Variants in DROSHA observed in about 807,000 individuals in gnomAD.
DROSHA encodes drosha ribonuclease III.
Under a neutral mutation model 181.9 loss-of-function variants are expected in DROSHA, and 56 were observed. That is an observed-to-expected ratio of 0.31 (90% confidence interval 0.25 to 0.38). The LOEUF (loss-of-function observed/expected upper bound fraction) is 0.38, where lower values mean the gene tolerates loss of function less well. DROSHA is among the 10% of genes least tolerant of loss of function. The pLI is 1.00. For missense variants in DROSHA, 1,218 were observed against 1,743.5 expected (o/e 0.70, Z 5.37); for synonymous variants, 524 against 591.2 (o/e 0.89, Z 1.65).
At chr5:31,449,677 T>C (rs2150014345) in intron 21 of DROSHA, among the ~76,000 whole-genome samples, 1 of 151,836 alleles carries the variant, frequency 6.6e-6, no homozygotes, top group Admixed American at 6.6e-5. Context: ...CAGTGAGCTA[T>C]GATCATGCCA....
At chr5:31,494,794 C>A (rs1752776392) in intron 12 of DROSHA, among the ~76,000 whole-genome samples, 2 of 152,008 alleles carry the variant, frequency 1.3e-5, no homozygotes, top group East Asian at 3.9e-4. Flanking sequence ...CCTGCCTCAG[C>A]CTCCCGAGTA....
intron 11 of DROSHA, among the ~76,000 whole-genome samples, chr5:31,497,206 T>G (rs1753090708): frequency 1.5e-5 from 1 of 65,492 alleles, no homozygotes; most frequent in Admixed American, 1.9e-4. Context: ...CCATCAGGAG[T>G]GCAGAGAGGA....
intron 9 of DROSHA, among the ~76,000 whole-genome samples, chr5:31,509,296 G>A (rs1421425289): frequency 6.7e-6 from 1 of 149,998 alleles, no homozygotes; most frequent in African/African-American, 2.5e-5. Context: ...AGTTGGGGAA[G>A]CAAAGAAAAT....
Position 31,514,250 on chromosome 5 carries a change from C to CAG in DROSHA, c.1290+737_1290+738insCT, listed in dbSNP as rs1739026913. On this transcript the variant is annotated intron_variant, in intron 8 of 35. Coordinates refer to ENST00000344624, the MANE Select transcript of DROSHA (RefSeq NM_001382508.1). The surrounding 1 kb of genome is among the most constrained non-coding windows in gnomAD (Gnocchi z 4.4). ...GAAAACACACACACACACACACACACACACACACACATACACATACACACT... is the reference window on the plus strand; with the variant it reads ...GAAAACACACACACACACACACACACAGACACACACACATACACATACACACT... Among the ~76,000 whole-genome samples, 1 of 150,516 alleles carries CAG rather than the reference C, an allele frequency of 6.6e-6. No individual in the cohort carries two copies. Among genetic ancestry groups the CAG allele is most frequent in the African/African-American group, 2.5e-5 (1 of 39,964 alleles).
rs200514522 is a variant in DROSHA at position 31,493,288 on chromosome 5, G to A, written c.1761C>T (p.Asp587=). The part of the protein sequence containing the change: ...TVSPPTNFLT[D]RPTVIEYDDH... ...CATCGTATTCTATAACAGTTGGCCT[G>A]TCAGTCTAAAAGCAAACAGAAACAC... Residue 587 remains aspartate (D), a synonymous_variant, in exon 13 of 36, where the codon GAC becomes GAT. Transcript: ENST00000344624. The A allele has an allele frequency of 1.0e-4, 164 of 1,597,098 alleles. No individual in the cohort carries two copies. The African/African-American group carries it at 1.8e-3, about 17-fold the overall frequency.
At chr5:31,492,483 T>A (rs1420525562) in intron 13 of DROSHA, among the ~76,000 whole-genome samples, 1 of 152,232 alleles carries the variant, frequency 6.6e-6, no homozygotes, top group African/African-American at 2.4e-5. Flanking sequence ...TTCTATTTGA[T>A]GTGGATATAC....
At position 31,409,304 on chromosome 5, in the gene DROSHA, CT is replaced by C; in HGVS notation, c.3695del (p.Lys1232ArgfsTer10). 1 of 1,586,892 alleles carries C rather than the reference CT, an allele frequency of 6.3e-7. No individual in the cohort carries two copies. Among genetic ancestry groups the C allele is most frequent in the Non-Finnish European group, 8.6e-7 (1 of 1,165,528 alleles). On this transcript the variant is annotated frameshift_variant, in exon 32 of 36. Coordinates refer to ENST00000344624, the MANE Select transcript of DROSHA (RefSeq NM_001382508.1). LOFTEE classifies it high-confidence loss of function. This position sits in a 1 kb window ranked among gnomAD's most constrained non-coding sequence, Gnocchi z 4.0. ...ESFIAALYID[K>X]DLEYVHTFMN... Reference sequence around the variant, plus strand: ...TGAAAGTATGAACATATTCCAAATCCTTATCAATGTACAGCGCTGCAATAAA... The same window carrying C: ...TGAAAGTATGAACATATTCCAAATCCTATCAATGTACAGCGCTGCAATAAA...
chr5:31,450,981 C>T (rs932943458), intron 21 of DROSHA, among the ~76,000 whole-genome samples: 2 of 152,144 alleles, frequency 1.3e-5, no homozygotes, highest in African/African-American at 4.8e-5. Flanking sequence ...GCAGGCACAT[C>T]ACCTGAGGTC....
intron 16 of DROSHA, among the ~76,000 whole-genome samples, chr5:31,480,455 C>A (rs888488468): frequency 1.3e-5 from 2 of 151,858 alleles, no homozygotes; most frequent in East Asian, 1.9e-4. Flanking sequence ...GTCTCAGCAG[C>A]GACTGGAAAG....
chr5:31,506,720 G>A (rs894357882), intron 10 of DROSHA, among the ~76,000 whole-genome samples: 13 of 150,922 alleles, frequency 8.6e-5, no homozygotes, highest in Non-Finnish European at 1.3e-4. Flanking sequence ...CAAAAAAAAA[G>A]TTATAACACA....
At chr5:31,482,334 A>G (rs1751127463) in intron 16 of DROSHA, among the ~76,000 whole-genome samples, 1 of 152,192 alleles carries the variant, frequency 6.6e-6, no homozygotes, top group African/African-American at 2.4e-5. Context: ...TAAGACAGCT[A>G]GAACTGACAG....
At chr5:31,404,912 T>C (rs1413011633) in intron 35 of DROSHA, among the ~76,000 whole-genome samples, 1 of 152,172 alleles carries the variant, frequency 6.6e-6, no homozygotes, top group African/African-American at 2.4e-5. Flanking sequence ...CTGTTTTCTA[T>C]AATCTGCAGG....
chr5:31,495,409 A>T, intron 11 of DROSHA, 37 bp from the exon 12 acceptor site: 2 of 1,575,800 alleles, frequency 1.3e-6, no homozygotes, highest in Non-Finnish European at 1.7e-6. Context: ...TTACAAGTAA[A>T]GCAAGAGTAC....
chr5:31,519,281 A>T (rs1011163043), intron 6 of DROSHA, among the ~76,000 whole-genome samples: 4 of 152,082 alleles, frequency 2.6e-5, no homozygotes, highest in African/African-American at 9.7e-5. Flanking sequence ...CCACTGACAC[A>T]ATACTCTGGC....
intron 11 of DROSHA, among the ~76,000 whole-genome samples, chr5:31,496,047 T>G (rs1752939918): frequency 6.6e-6 from 1 of 152,136 alleles, no homozygotes; most frequent in Non-Finnish European, 1.5e-5. Context: ...GGTTGTGTCT[T>G]GGCATTTTCC....
chr5:31,422,068 C>T (rs1216802373), intron 29 of DROSHA, among the ~76,000 whole-genome samples: 2 of 139,622 alleles, frequency 1.4e-5, no homozygotes, highest in Non-Finnish European at 3.0e-5. Flanking sequence ...TTCCAGCCTT[C>T]GCAACAGAGT....
intron 11 of DROSHA, among the ~76,000 whole-genome samples, chr5:31,497,102 T>C (rs1409920409): frequency 6.6e-6 from 1 of 152,130 alleles, no homozygotes; most frequent in African/African-American, 2.4e-5. Context: ...CCAGGCCAAG[T>C]GATGCGACTC....
chr5:31,485,962 A>AT (rs1268736074), intron 14 of DROSHA, among the ~76,000 whole-genome samples: 3 of 152,366 alleles, frequency 2.0e-5, no homozygotes, highest in Admixed American at 2.0e-4. Flanking sequence ...AGATCAGACT[A>AT]TGAATCATTC....
At position 31,514,281 on chromosome 5, in the gene DROSHA, C is replaced by G. The variant is rs1319899629; in HGVS notation, c.1290+707G>C. On this transcript the variant is annotated intron_variant, in intron 8 of 35. Coordinates refer to ENST00000344624, the MANE Select transcript of DROSHA (RefSeq NM_001382508.1). The surrounding 1 kb of genome is among the most constrained non-coding windows in gnomAD (Gnocchi z 4.4). ...CACACATACACATACACACTACAAA[C>G]TGCATAAACTAGTTACATGTGAAAG... 6.6e-6 allele frequency among the ~76,000 whole-genome samples: 1 copy of G among 151,710 alleles called. No homozygotes were observed. Among genetic ancestry groups the G allele is most frequent in the African/African-American group, 2.4e-5 (1 of 41,260 alleles).
Sources: allele counts gnomAD v4.1 joint callset (sites outside exome capture counted in the v4.1 genomes callset), GRCh38; gene constraint gnomAD v4.1.1; non-coding constraint Gnocchi (gnomAD v3.1); transcripts MANE v1.5; gene names NCBI Gene and HGNC (gene_info 2026-07-23, HGNC 2026-07-21).